The following FES variants were observed in gnomAD, a reference collection of about 807,000 sequenced individuals.
The protein encoded by FES is tyrosine-protein kinase Fes/Fps.
Under a neutral mutation model 109.6 loss-of-function variants are expected in FES, and 83 were observed. The ratio of observed to expected loss-of-function variants is 0.76; its 90% CI spans 0.63 to 0.91. The LOEUF (loss-of-function observed/expected upper bound fraction) is 0.91. Ranked by LOEUF, FES falls within the 40% of genes least tolerant of loss-of-function variation. FES has a pLI of 0.00. For synonymous variants in FES, 458 were observed against 442.1 expected, an observed-to-expected ratio of 1.04 and a Z score of -0.45; for missense variants, 943 against 1,070.9, an observed-to-expected ratio of 0.88 and a Z score of 1.67.
Position 90,889,393 on chromosome 15 carries a change from T to G in FES, c.756T>G (p.Ala252=). 1 of 1,614,066 alleles carries G rather than the reference T, an allele frequency of 6.2e-7. No individual in the cohort carries two copies. ...VAIHREMAAA[A]ARIQPEAEYQ... The stretch of plus-strand genomic sequence containing the variant: ...TTCACCGGGAGATGGCTGCAGCTGC[T>G]GCCCGCATCCAGCCTGAGGCTGAGT... Residue 252 remains alanine (A), a synonymous_variant, in exon 6 of 19, where the codon GCT becomes GCG. Transcript: ENST00000328850. The surrounding 1 kb of genome is among the most constrained non-coding windows in gnomAD (Gnocchi z 6.1).
In FES at chr15:90,890,391, C is replaced by T. The variant is rs757300050; in HGVS notation, c.1237-10C>T. On this transcript the variant is annotated splice_polypyrimidine_tract_variant and intron_variant, in intron 9 of 18. Transcript: ENST00000328850. ...CCTGGCCACCCGCTGACGTCTGTCCCTGGCCTCAGGAGCAGGAGCGAGAGG... is the reference window on the plus strand; with the variant it reads ...CCTGGCCACCCGCTGACGTCTGTCCTTGGCCTCAGGAGCAGGAGCGAGAGG... 4 of 1,612,406 alleles carry T rather than the reference C, an allele frequency of 2.5e-6. No homozygotes were observed. The South Asian group carries it at 4.4e-5, about 18-fold the overall frequency.
rs1360801918 is a variant in FES, at chr15:90,893,211, G to C, written c.1921+17G>C. 1 of 1,613,586 alleles carries C rather than the reference G, an allele frequency of 6.2e-7. No individual in the cohort carries two copies. The highest frequency in any genetic ancestry group is 8.5e-7 in the Non-Finnish European group (1 of 1,179,866). ...TTGTGCAGGGTGAGCGCGGGGCGCT[G>C]AGCTCCAGGTAGGGCGCGCAGCCTG... On this transcript the variant is annotated intron_variant, in intron 15 of 18. Coordinates refer to ENST00000328850, the MANE Select transcript of FES (RefSeq NM_002005.4).
intron 13 of FES, chr15:90,892,478 G>C: frequency 1.7e-6 from 1 of 580,508 alleles, no homozygotes; most frequent in South Asian, 2.1e-5. Context: ...GTGATTTTTG[G>C]ATTTCCATGT....
rs746335970 is a variant in FES at position 90,887,014 on chromosome 15, G to A, written c.441G>A (p.Arg147=). ...AGAGCCAGTACCGAGCTCTGGCACG[G>A]GACAGTGCCCAAGCCAAGCGCAAGT... ...KLKSQYRALA[R]DSAQAKRKYQ... is the part of the protein sequence containing the mutation. Residue 147 remains arginine (R), a synonymous_variant, in exon 4 of 19, where the codon CGG becomes CGA. Coordinates refer to ENST00000328850, the MANE Select transcript of FES (RefSeq NM_002005.4). 12 of 1,614,062 alleles carry A rather than the reference G, an allele frequency of 7.4e-6. No individual in the cohort carries two copies. The highest frequency in any genetic ancestry group is 9.3e-6 in the Non-Finnish European group (11 of 1,180,048).
chr15:90,886,931 G>A, intron 3 of FES, 30 bp from the exon 4 acceptor site: 2 of 1,604,784 alleles, frequency 1.2e-6, no homozygotes, highest in Non-Finnish European at 1.7e-6. Flanking sequence ...GGGACCTGCT[G>A]CCCCACACTG....
At chr15:90,895,325 G>C in intron 18 of FES, 91 bp from the exon 19 acceptor site, 2 of 1,161,782 alleles carry the variant, frequency 1.7e-6, no homozygotes, top group South Asian at 2.0e-5. Context: ...TGCATCTTAA[G>C]CAGCTCCTAT....
At chr15:90,895,201 G>A (rs530248419) in intron 18 of FES, among the ~76,000 whole-genome samples, 5 of 152,340 alleles carry the variant, frequency 3.3e-5, no homozygotes, top group East Asian at 1.9e-4. Context: ...TTTCTCAGAT[G>A]GAAAAACAGG....
chr15:90,891,365 C>T, intron 11 of FES, 174 bp downstream of exon 11: 3 of 1,057,322 alleles, frequency 2.8e-6, no homozygotes, highest in Non-Finnish European at 4.1e-6. Context: ...AAAATAGAGG[C>T]TTAAGTGTGA....
In FES at chr15:90,889,154, G is replaced by A; in HGVS notation, c.669-152G>A. The A allele has an allele frequency of 2.2e-6, 2 of 896,600 alleles. No homozygotes were observed. The highest frequency in any genetic ancestry group is 3.4e-6 in the Non-Finnish European group (2 of 591,876). 55.5% of individuals were successfully genotyped at this position (896,600 alleles called of 1,614,324 possible). On this transcript the variant is annotated intron_variant, in intron 5 of 18. Transcript: ENST00000328850. This position sits in a 1 kb window ranked among gnomAD's most constrained non-coding sequence, Gnocchi z 6.1. ...ATCAGGAAATAGAAGATTAGGGAGA[G>A]GTTAAATAATTTGCCTAGAGTGGCA...
chr15:90,888,769 T>C (rs183454159), intron 5 of FES, among the ~76,000 whole-genome samples: 7 of 148,272 alleles, frequency 4.7e-5, no homozygotes, highest in African/African-American at 1.3e-4. Context: ...TATTTATTTA[T>C]TTATTTATTT....
At chr15:90,892,433 C>T (rs2033311009) in intron 13 of FES, 2 of 579,144 alleles carry the variant, frequency 3.5e-6, no homozygotes, top group South Asian at 2.1e-5. Flanking sequence ...AGTCACTGTC[C>T]TAAAAATCAG....
chr15:90,894,983 C>T (rs2033581318), intron 18 of FES, among the ~76,000 whole-genome samples: 1 of 152,100 alleles, frequency 6.6e-6, no homozygotes, highest in African/African-American at 2.4e-5. Context: ...ACAAGAATCG[C>T]TTGAACCTGG....
chr15:90,887,130 T>G, intron 4 of FES, 57 bp from the exon 5 acceptor site: 1 of 1,611,878 alleles, frequency 6.2e-7, no homozygotes, highest in Non-Finnish European at 8.5e-7. Flanking sequence ...ACCCAGAGAG[T>G]GGGGGCTGCC....
chr15:90,885,243 C>T lies in FES; in HGVS notation c.198C>T (p.Asp66=), dbSNP rs768643681. 34 of 1,612,620 alleles carry T rather than the reference C, an allele frequency of 2.1e-5. No homozygotes were observed. The highest frequency in any genetic ancestry group is 2.9e-5 in the Non-Finnish European group (34 of 1,179,826). ...GCCAGAGCCGGGCCATCAGCCCTGA[C>T]AGCCCCATCAGTCAGGTGGGTCTCT... is the stretch of plus-strand genomic sequence containing the variant. ...SGGQSRAISP[D]SPISQSWAEI... Residue 66 remains aspartate, a synonymous_variant, in exon 2 of 19, where the codon GAC becomes GAT. Coordinates refer to ENST00000328850, the MANE Select transcript of FES (RefSeq NM_002005.4).
Position 90,892,711 on chromosome 15 carries a change from A to C in FES, c.1712A>C (p.Asn571Thr). 1 of 1,606,906 alleles carries C rather than the reference A, an allele frequency of 6.2e-7. No homozygotes were observed. Among genetic ancestry groups the C allele is most frequent in the Non-Finnish European group, 8.5e-7 (1 of 1,176,682 alleles). Residue 571 changes from asparagine (N) to threonine (T), a missense_variant, in exon 14 of 19, where the codon AAC (asparagine) becomes ACC (threonine). Coordinates refer to ENST00000328850, the MANE Select transcript of FES (RefSeq NM_002005.4). ...AGGAGCCCAAGACCGTTTCAGGGGA[A>C]CTTTGGCGAAGTGTTCAGCGGACGC... ...LVLGEQIGRG[N>T]FGEVFSGRLR...
At position 90,893,142 on chromosome 15, in the gene FES, T is replaced by C. The variant is rs1158364692; in HGVS notation, c.1869T>C (p.Ile623=). 6.2e-7 allele frequency: 1 copy of C among 1,613,986 alleles called. No homozygotes were observed. The highest frequency in any genetic ancestry group is 8.5e-7 in the Non-Finnish European group (1 of 1,179,964). Residue 623 remains isoleucine (I), a synonymous_variant, in exon 15 of 19, where the codon ATT becomes ATC. Transcript: ENST00000328850. ...QYSHPNIVRL[I]GVCTQKQPIY... ...GCCACCCCAACATCGTGCGTCTCAT[T>C]GGTGTCTGCACCCAGAAGCAGCCCA...
Position 90,894,049 on chromosome 15 carries a change from G to T in FES, c.2317G>T (p.Val773Leu). 6.2e-7 allele frequency: 1 copy of T among 1,613,722 alleles called. No individual in the cohort carries two copies. The highest frequency in any genetic ancestry group is 8.5e-7 in the Non-Finnish European group (1 of 1,179,982). The change falls in exon 18 of 19, where the codon GTG becomes TTG. Residue 773 changes from valine to leucine, a missense_variant. Physicochemically the swap from Val to Leu is conservative, Grantham distance 32. Transcript: ENST00000328850. The part of the protein sequence containing the change: ...NLSNQQTREF[V>L]EKGGRLPCPE... Reference sequence around the variant, plus strand: ...CAGCAATCAGCAGACACGGGAGTTTGTGGAGAAGGGTAAGCACCCTGTGAT... The same window carrying T: ...CAGCAATCAGCAGACACGGGAGTTTTTGGAGAAGGGTAAGCACCCTGTGAT...
intron 10 of FES, among the ~76,000 whole-genome samples, chr15:90,890,689 C>T (rs546717971): frequency 1.0e-4 from 15 of 149,982 alleles, no homozygotes; most frequent in South Asian, 8.6e-4. Flanking sequence ...CCAGCAACCT[C>T]GACTATTCCA....
chr15:90,887,263 G>A lies in FES; in HGVS notation c.561G>A (p.Val187=). 6.2e-7 allele frequency: 1 copy of A among 1,613,392 alleles called. No individual in the cohort carries two copies. Among genetic ancestry groups the A allele is most frequent in the Non-Finnish European group, 8.5e-7 (1 of 1,180,038 alleles). The part of the protein sequence containing the change: ...WKLFAHHNRY[V]LGVRAAQLHH... The stretch of plus-strand genomic sequence containing the variant: ...TCTTTGCTCACCACAACCGCTATGT[G>A]CTGGGCGTGCGGGCTGCGCAGCTAC... Residue 187 remains valine, a synonymous_variant, in exon 5 of 19, where the codon GTG becomes GTA. Coordinates refer to ENST00000328850, the MANE Select transcript of FES (RefSeq NM_002005.4).
Sources: allele counts gnomAD v4.1 joint callset (sites outside exome capture counted in the v4.1 genomes callset), GRCh38; gene constraint gnomAD v4.1.1; non-coding constraint Gnocchi (gnomAD v3.1); transcripts MANE v1.5; gene names NCBI Gene and HGNC (gene_info 2026-07-23, HGNC 2026-07-21).